Variants in TTL observed in about 807,000 individuals in gnomAD.
TTL encodes tubulin tyrosine ligase, also known as tubulin--tyrosine ligase.
A neutral mutation model predicts 41.1 loss-of-function variants in TTL; 10 were observed. That is an observed-to-expected ratio of 0.24 (90% confidence interval 0.15 to 0.41). The LOEUF is 0.41. TTL is among the 10% of genes least tolerant of loss of function. The pLI is 1.00. For missense variants in TTL, 367 were observed against 460.4 expected, an observed-to-expected ratio of 0.80 and a Z score of 1.86; for synonymous variants, 175 against 175.5, an observed-to-expected ratio of 1.00 and a Z score of 0.02.
intron 3 of TTL, among the ~76,000 whole-genome samples, chr2:112,498,510 A>G (rs1319289581): frequency 1.3e-5 from 2 of 152,240 alleles, no homozygotes; most frequent in Non-Finnish European, 2.9e-5. Flanking sequence ...AGGACAGTAT[A>G]GTAAAGATGT....
chr2:112,493,355 TAAA>T (rs75154140), intron 2 of TTL, among the ~76,000 whole-genome samples: 4 of 143,162 alleles, frequency 2.8e-5, no homozygotes, highest in African/African-American at 1.0e-4. Context: ...CTTGAGCTGT[TAAA>T]AAAAAAAAAA....
At chr2:112,494,479 C>A in intron 3 of TTL, 104 bp downstream of exon 3, 1 of 877,462 alleles carries the variant, frequency 1.1e-6, no homozygotes, top group East Asian at 2.6e-5. Flanking sequence ...AGGTTGAGAC[C>A]GTGTCTAGTT....
intron 6 of TTL, among the ~76,000 whole-genome samples, chr2:112,527,055 T>C (rs915330069): frequency 3.0e-4 from 45 of 152,324 alleles, no homozygotes; most frequent in African/African-American, 1.1e-3. Flanking sequence ...ACCCAGTAGT[T>C]ATTCAGGAGC....
intron 3 of TTL, among the ~76,000 whole-genome samples, chr2:112,498,844 G>T (rs1472498496): frequency 6.6e-6 from 1 of 151,956 alleles, no homozygotes; most frequent in African/African-American, 2.4e-5. Flanking sequence ...TAGGCGACAA[G>T]ACCAAGACTC....
At chr2:112,528,600 T>C (rs1362573971) in intron 6 of TTL, 81 bp from the exon 7 acceptor site, 1 of 1,198,364 alleles carries the variant, frequency 8.3e-7, no homozygotes, top group Non-Finnish European at 1.2e-6. Context: ...CAAAACCCTG[T>C]CTCAAAAACA....
In TTL at chr2:112,516,598, C is replaced by T. The variant is rs760898455; in HGVS notation, c.876-3684C>T. Among the ~76,000 whole-genome samples, 13 of 152,200 alleles carry T rather than the reference C, an allele frequency of 8.5e-5. No homozygotes were observed. In the East Asian group the frequency reaches 9.7e-4, roughly 11 times the overall value. On this transcript the variant is annotated intron_variant, in intron 5 of 6. Coordinates refer to ENST00000233336, the MANE Select transcript of TTL (RefSeq NM_153712.5). ...CTGAGGCAGGAGAATTGCTTGAACC[C>T]GGGAGGTGGAGGTTGCAGTGAGCCA...
rs1445236591 is a variant in TTL at position 112,528,961 on chromosome 2, A to G, written c.*166A>G. 2 of 633,434 alleles carry G rather than the reference A, an allele frequency of 3.2e-6. No homozygotes were observed. The highest frequency in any genetic ancestry group is 5.7e-6 in the Non-Finnish European group (2 of 353,012). The allele number at this position is 633,434 out of a possible 1,614,324, so 39.2% of individuals were successfully genotyped here. A position where few individuals can be genotyped will look rare whatever the true frequency, so the allele number is the denominator to read the frequency against. On this transcript the variant is annotated 3_prime_UTR_variant, in exon 7 of 7. Coordinates refer to ENST00000233336, the MANE Select transcript of TTL (RefSeq NM_153712.5). The stretch of plus-strand genomic sequence containing the variant: ...AGCAGAGGAGGCAGCTCCCAAAGAG[A>G]GGGCTGCTCAGGGGGCTTCCCAGAT...
rs996430355 is a variant in TTL at position 112,482,948 on chromosome 2, G to A, written c.157+447G>A. On this transcript the variant is annotated intron_variant, in intron 1 of 6. Coordinates refer to ENST00000233336, the MANE Select transcript of TTL (RefSeq NM_153712.5). This position sits in a 1 kb window ranked among gnomAD's most constrained non-coding sequence, Gnocchi z 5.3. ...CTCCCTGCTTGGCGTGGGCGCGGGC[G>A]GGGGAGCCGTAGGTGTTGAAACCCC... Among the ~76,000 whole-genome samples the A allele has an allele frequency of 2.0e-5, 3 of 152,228 alleles. No individual in the cohort carries two copies. The highest frequency in any genetic ancestry group is 2.4e-5 in the African/African-American group (1 of 41,466).
chr2:112,496,668 T>A (rs1347491797), intron 3 of TTL, among the ~76,000 whole-genome samples: 1 of 48,194 alleles, frequency 2.1e-5, no homozygotes, highest in Admixed American at 2.4e-4. Flanking sequence ...TATGTGTCTG[T>A]GTGTGTGTGT....
intron 3 of TTL, among the ~76,000 whole-genome samples, chr2:112,496,217 C>T (rs1327763843): frequency 1.3e-5 from 2 of 152,146 alleles, no homozygotes; most frequent in Non-Finnish European, 2.9e-5. Context: ...TAAGACAAGA[C>T]TCAGAGGGAC....
chr2:112,492,995 T>G (rs925315464), intron 2 of TTL, among the ~76,000 whole-genome samples: 6 of 152,266 alleles, frequency 3.9e-5, no homozygotes, highest in Non-Finnish European at 7.3e-5. Context: ...GGTTGGCTAG[T>G]GACCACTGGA....
intron 2 of TTL, among the ~76,000 whole-genome samples, chr2:112,488,673 G>A (rs1439788477): frequency 1.3e-5 from 2 of 151,708 alleles, no homozygotes; most frequent in Non-Finnish European, 2.9e-5. Context: ...CAGGAGAATC[G>A]CTTGAACCTG....
chr2:112,539,474 T>C lies in TTL; in HGVS notation c.*10679T>C, dbSNP rs148357836. ...AAGCATTTGGCAATACACAACACTC[T>C]TTCTTGGAAAAAACCTTTCAACAAA... is the stretch of plus-strand genomic sequence containing the variant. On this transcript the variant is annotated 3_prime_UTR_variant, in exon 7 of 7. Coordinates refer to ENST00000233336, the MANE Select transcript of TTL (RefSeq NM_153712.5). 1.3e-5 allele frequency: 2 copies of C among 152,300 alleles called. No homozygotes were observed. Among genetic ancestry groups the C allele is most frequent in the East Asian group, 3.9e-4 (2 of 5,192 alleles). 9.4% of individuals were successfully genotyped at this position (152,300 alleles called of 1,614,324 possible). A position where few individuals can be genotyped will look rare whatever the true frequency, so the allele number is the denominator to read the frequency against.
chr2:112,538,230 A>C lies in TTL; in HGVS notation c.*9435A>C, dbSNP rs1394522487. On this transcript the variant is annotated 3_prime_UTR_variant, in exon 7 of 7. Coordinates refer to ENST00000233336, the MANE Select transcript of TTL (RefSeq NM_153712.5). ...GTCTCCTAAAAAATAGAAGAGAAGA[A>C]AATACTCCTCAATTGAGAAGAGTGT... is the stretch of plus-strand genomic sequence containing the variant. 2 of 152,214 alleles carry C rather than the reference A, an allele frequency of 1.3e-5. No individual in the cohort carries two copies. The highest frequency in any genetic ancestry group is 2.9e-5 in the Non-Finnish European group (2 of 68,042). 9.4% of individuals were successfully genotyped at this position (152,214 alleles called of 1,614,324 possible). A position where few individuals can be genotyped will look rare whatever the true frequency, so the allele number is the denominator to read the frequency against.
intron 5 of TTL, among the ~76,000 whole-genome samples, chr2:112,519,438 A>C (rs1682159974): frequency 6.6e-6 from 1 of 152,192 alleles, no homozygotes; most frequent in Non-Finnish European, 1.5e-5. Context: ...CATTGTTGCT[A>C]ATAATACTTC....
chr2:112,497,910 AGTG>A (rs571394766), intron 3 of TTL, among the ~76,000 whole-genome samples: 7 of 152,376 alleles, frequency 4.6e-5, no homozygotes, highest in South Asian at 2.1e-4. Context: ...TATAATAAGA[AGTG>A]GTGACAACTC....
At chr2:112,490,943 AG>A (rs1681368010) in intron 2 of TTL, among the ~76,000 whole-genome samples, 1 of 152,070 alleles carries the variant, frequency 6.6e-6, no homozygotes, top group South Asian at 2.1e-4. Flanking sequence ...TTTTGCATGT[AG>A]GTAAAATTCT....
intron 6 of TTL, chr2:112,521,290 G>A: frequency 1.0e-6 from 1 of 985,396 alleles, no homozygotes; most frequent in Non-Finnish European, 1.2e-6. Flanking sequence ...CTTCTCTCGG[G>A]AGAAGGCTGG....
chr2:112,516,893 A>G (rs1323895574), intron 5 of TTL, among the ~76,000 whole-genome samples: 1 of 152,202 alleles, frequency 6.6e-6, no homozygotes, highest in Non-Finnish European at 1.5e-5. Flanking sequence ...CTGACACCAG[A>G]TAAATCAAAT....
Sources: allele counts gnomAD v4.1 joint callset (sites outside exome capture counted in the v4.1 genomes callset), GRCh38; gene constraint gnomAD v4.1.1; non-coding constraint Gnocchi (gnomAD v3.1); transcripts MANE v1.5; gene names NCBI Gene and HGNC (gene_info 2026-07-23, HGNC 2026-07-21).